The following RHOA variants were observed in gnomAD, a reference collection of about 807,000 sequenced individuals.
The protein encoded by RHOA is transforming protein RhoA.
RHOA carries 3 observed loss-of-function variants against 17.5 expected under a neutral mutation model. That is an observed-to-expected ratio of 0.17 (90% CI 0.08 to 0.44). The LOEUF is 0.44. Ranked by LOEUF, RHOA falls within the 20% of genes least tolerant of loss-of-function variation. RHOA has a pLI of 0.99. For synonymous variants in RHOA, 98 were observed against 88.4 expected, an observed-to-expected ratio of 1.11 and a Z score of -0.61; for missense variants, 56 against 242.3, an observed-to-expected ratio of 0.23 and a Z score of 5.10.
intron 1 of RHOA, among the ~76,000 whole-genome samples, chr3:49,408,315 T>C (rs987127748): frequency 1.2e-4 from 18 of 150,046 alleles, no homozygotes; most frequent in African/African-American, 3.8e-4. Flanking sequence ...CACACACACA[T>C]ATGCTTAAAT....
At chr3:49,367,187 C>CA (rs2048069316) in intron 3 of RHOA, among the ~76,000 whole-genome samples, 1 of 151,246 alleles carries the variant, frequency 6.6e-6, no homozygotes, top group African/African-American at 2.4e-5. Context: ...CTAAAAAATA[C>CA]AAAAAATTAG....
At chr3:49,392,861 G>A (rs2048532649) in intron 1 of RHOA, among the ~76,000 whole-genome samples, 1 of 152,068 alleles carries the variant, frequency 6.6e-6, no homozygotes, top group Non-Finnish European at 1.5e-5. Flanking sequence ...AATTTTTCCA[G>A]AAAATGGTCA....
chr3:49,369,982 G>C (rs975666466), intron 2 of RHOA, among the ~76,000 whole-genome samples: 1 of 151,964 alleles, frequency 6.6e-6, no homozygotes, highest in Non-Finnish European at 1.5e-5. Flanking sequence ...CAGGAGAATC[G>C]CTTGAACCCA....
intron 1 of RHOA, among the ~76,000 whole-genome samples, chr3:49,377,865 T>G (rs1460850994): frequency 6.6e-6 from 1 of 151,804 alleles, no homozygotes; most frequent in African/African-American, 2.4e-5. Context: ...GAACTCTTTT[T>G]GGGCTGGGCA....
intron 1 of RHOA, among the ~76,000 whole-genome samples, chr3:49,387,403 C>T (rs2048416658): frequency 7.1e-6 from 1 of 141,046 alleles, no homozygotes; most frequent in Admixed American, 7.7e-5. Flanking sequence ...GAGATCGTGC[C>T]ATTGCACTCC....
intron 1 of RHOA, among the ~76,000 whole-genome samples, chr3:49,410,444 AGACTT>A (rs1210958699): frequency 1.3e-5 from 2 of 152,332 alleles, no homozygotes; most frequent in African/African-American, 2.4e-5. Flanking sequence ...ATCTAGCACT[AGACTT>A]TAACTCAAAC....
chr3:49,361,005 G>A (rs575558481), intron 4 of RHOA: 19 of 255,114 alleles, frequency 7.4e-5, no homozygotes, highest in East Asian at 1.7e-4. Context: ...TCTGGGAGGC[G>A]GAGGTTGCAG....
In RHOA at chr3:49,360,045, C is replaced by T. The variant is rs1448087003; in HGVS notation, c.*164G>A. On this transcript the variant is annotated 3_prime_UTR_variant, in exon 5 of 5. Coordinates refer to ENST00000418115, the MANE Select transcript of RHOA (RefSeq NM_001664.4). Reference sequence around the variant, plus strand: ...CTGGTGGGCCAGACGGGTTGGACATCGTTAATAATCATAGTTGGCTTCTAA... The same window carrying T: ...CTGGTGGGCCAGACGGGTTGGACATTGTTAATAATCATAGTTGGCTTCTAA... 3 of 800,730 alleles carry T rather than the reference C, an allele frequency of 3.7e-6. No homozygotes were observed. Among genetic ancestry groups the T allele is most frequent in the Non-Finnish European group, 5.6e-6 (3 of 532,736 alleles). 49.6% of individuals were successfully genotyped at this position (800,730 alleles called of 1,614,324 possible).
rs2047937146 is a variant in RHOA, at chr3:49,360,117, T to C, written c.*92A>G. The C allele has an allele frequency of 3.0e-5, 39 of 1,289,722 alleles. No homozygotes were observed. The highest frequency in any genetic ancestry group is 3.9e-5 in the Non-Finnish European group (36 of 931,954). The allele number at this position is 1,289,722 out of a possible 1,614,324, so 79.9% of individuals were successfully genotyped here. ...CTGATTTGTAATCTTAGGTAAATTA[T>C]AGATAAATGAAAAAGGCCAGTAATC... On this transcript the variant is annotated 3_prime_UTR_variant, in exon 5 of 5. Coordinates refer to ENST00000418115, the MANE Select transcript of RHOA (RefSeq NM_001664.4).
chr3:49,404,557 A>G (rs2048785457), intron 1 of RHOA, among the ~76,000 whole-genome samples: 1 of 134,638 alleles, frequency 7.4e-6, no homozygotes, highest in Non-Finnish European at 1.5e-5. Flanking sequence ...GATTGCAGTG[A>G]GCCGAGATTG....
chr3:49,367,675 C>T (rs1575646165), intron 3 of RHOA, among the ~76,000 whole-genome samples: 1 of 151,768 alleles, frequency 6.6e-6, no homozygotes, highest in East Asian at 1.9e-4. Flanking sequence ...GTGCACGCCA[C>T]CACACCCAGC....
At chr3:49,376,291 A>G (rs1333745775) in intron 1 of RHOA, among the ~76,000 whole-genome samples, 7 of 152,140 alleles carry the variant, frequency 4.6e-5, no homozygotes, top group Admixed American at 4.6e-4. Flanking sequence ...GGGAAATCCT[A>G]AAGAAAACTT....
chr3:49,411,588 A>G (rs1169236889), intron 1 of RHOA, among the ~76,000 whole-genome samples: 1 of 150,670 alleles, frequency 6.6e-6, no homozygotes, highest in Non-Finnish European at 1.5e-5. Flanking sequence ...CGGGCGGGGG[A>G]AGGGGCACAG....
At chr3:49,387,628 C>G (rs1440768086) in intron 1 of RHOA, among the ~76,000 whole-genome samples, 2 of 151,294 alleles carry the variant, frequency 1.3e-5, no homozygotes, top group Non-Finnish European at 2.9e-5. Flanking sequence ...ACCTGTAGTT[C>G]CAGCTACTCA....
chr3:49,392,137 A>G (rs1026479059), intron 1 of RHOA, among the ~76,000 whole-genome samples: 3 of 151,932 alleles, frequency 2.0e-5, no homozygotes, highest in Non-Finnish European at 4.4e-5. Flanking sequence ...CAATTAATTT[A>G]TCTTTAAAAA....
intron 2 of RHOA, among the ~76,000 whole-genome samples, chr3:49,373,061 T>G (rs1243777039): frequency 2.0e-5 from 3 of 151,964 alleles, no homozygotes; most frequent in African/African-American, 7.2e-5. Context: ...CAAGTAGAAG[T>G]GGCCAGGCAC....
chr3:49,407,147 A>G (rs2048844152), intron 1 of RHOA, among the ~76,000 whole-genome samples: 2 of 151,814 alleles, frequency 1.3e-5, no homozygotes, highest in African/African-American at 4.8e-5. Context: ...CTGTCTCAAG[A>G]GAAGAGAAGA....
In RHOA at chr3:49,395,648, G is replaced by A. The variant is rs1313368180; in HGVS notation, c.-3+16172C>T. ...GAATCGCTTGAACCCAGGAGGCGGAGGTTGCAGTGAGCCAAGATCACACCA... is the reference window on the plus strand; with the variant it reads ...GAATCGCTTGAACCCAGGAGGCGGAAGTTGCAGTGAGCCAAGATCACACCA... On this transcript the variant is annotated intron_variant, in intron 1 of 4. Transcript: ENST00000418115. Among the ~76,000 whole-genome samples the A allele has an allele frequency of 3.9e-5, 6 of 152,134 alleles. No homozygotes were observed. The East Asian group carries it at 1.2e-3, about 29-fold the overall frequency.
intron 1 of RHOA, among the ~76,000 whole-genome samples, chr3:49,382,216 G>C (rs1337411290): frequency 1.3e-5 from 2 of 151,908 alleles, no homozygotes; most frequent in South Asian, 4.2e-4. Flanking sequence ...CTACTCAGGA[G>C]GCTGAGGCAT....
Sources: gnomAD v4.1 joint callset for allele counts (sites outside exome capture counted in the v4.1 genomes callset) on GRCh38, gnomAD v4.1.1 for gene constraint, MANE v1.5 for transcripts, NCBI Gene and HGNC (gene_info 2026-07-23, HGNC 2026-07-21) for gene names.